The following GAK variants were observed in gnomAD, a reference collection of about 807,000 sequenced individuals.
The protein encoded by GAK is cyclin-G-associated kinase.
Under a neutral mutation model 143.9 loss-of-function variants are expected in GAK, and 79 were observed. That is an observed-to-expected ratio of 0.55 (90% CI 0.46 to 0.66). The LOEUF is 0.66. GAK is among the 30% of genes least tolerant of loss of function. The pLI is 0.00. For missense variants in GAK, 1,693 were observed against 1,779.7 expected, an observed-to-expected ratio of 0.95 and a Z score of 0.88; for synonymous variants, 881 against 765.5, an observed-to-expected ratio of 1.15 and a Z score of -2.49.
intron 1 of GAK, chr4:913,912 CA>C (rs1330995815): frequency 1.4e-4 from 6 of 42,046 alleles, no homozygotes; most frequent in Admixed American, 4.5e-4. Flanking sequence ...TGCACGGCCC[CA>C]CACACACACA....
intron 23 of GAK, among the ~76,000 whole-genome samples, chr4:861,926 G>C (rs1270149927): frequency 6.6e-6 from 1 of 152,258 alleles, no homozygotes; most frequent in African/African-American, 2.4e-5. Context: ...AGACGCTGCA[G>C]AAGAAAAGTG....
At position 884,220 on chromosome 4, in the gene GAK, T is replaced by C. The variant is rs111668780; in HGVS notation, c.1206-134A>G. On this transcript the variant is annotated intron_variant, in intron 11 of 27. Coordinates refer to ENST00000314167, the MANE Select transcript of GAK (RefSeq NM_005255.4). ...TAGAGGCCGCATCCCAGGAGGAACG[T>C]GTGTGTGCACAGGCGTGTGGGCAGC... is the stretch of plus-strand genomic sequence containing the variant. 6.8e-3 allele frequency: 4,900 copies of C among 715,544 alleles called. 140 individuals carry two copies. The African/African-American group carries it at 0.07, about 10-fold the overall frequency. 44.3% of individuals were successfully genotyped at this position (715,544 alleles called of 1,614,324 possible). A position where few individuals can be genotyped will look rare whatever the true frequency, so the allele number is the denominator to read the frequency against.
Position 898,204 on chromosome 4 carries a change from G to A in GAK, c.526-46C>T, listed in dbSNP as rs776592144. ...GCCCCGTGAACTTGGCGTAGACAGA[G>A]ATGGGACTTCAGGGAAAACGAACGG... On this transcript the variant is annotated intron_variant, in intron 5 of 27. Transcript: ENST00000314167. 14 of 1,606,638 alleles carry A rather than the reference G, an allele frequency of 8.7e-6. No homozygotes were observed. The Admixed American group carries it at 1.0e-4, about 12-fold the overall frequency.
intron 16 of GAK, 56 bp from the exon 17 acceptor site, chr4:877,263 A>G: frequency 9.0e-7 from 1 of 1,112,056 alleles, no homozygotes; most frequent in Non-Finnish European, 1.4e-6. Context: ...CAACCAAACA[A>G]AAACAACAAA....
Position 866,414 on chromosome 4 carries a change from G to C in GAK, c.2993C>G (p.Ser998Cys), listed in dbSNP as rs1388307814. The change falls in exon 22 of 28, where the codon TCT becomes TGT. Residue 998 changes from serine to cysteine, a missense_variant. By Grantham distance (112) the Ser-to-Cys change is moderately radical (BLOSUM62 -1). Around this residue, in one of 2 missense-constraint regions of GAK, gnomAD observed 822 missense variants for 788.7 expected, o/e 1.04. Coordinates refer to ENST00000314167, the MANE Select transcript of GAK (RefSeq NM_005255.4). ...DSVTVPPSFP[S>C]AHSAPPPSCS... Reference sequence around the variant, plus strand: ...GGATGGGGGCGGAGCACTGTGGGCAGACGGGAAGGATGGTGGGACGGTCAC... The same window carrying C: ...GGATGGGGGCGGAGCACTGTGGGCACACGGGAAGGATGGTGGGACGGTCAC... 3.7e-6 allele frequency: 6 copies of C among 1,614,126 alleles called. No individual in the cohort carries two copies. The highest frequency in any genetic ancestry group is 5.1e-6 in the Non-Finnish European group (6 of 1,179,982).
chr4:880,955 G>A (rs760809976), intron 15 of GAK, among the ~76,000 whole-genome samples: 4 of 152,198 alleles, frequency 2.6e-5, no homozygotes, highest in Non-Finnish European at 5.9e-5. Context: ...TCAGCTCAAT[G>A]TGTGGAGGGG....
At position 894,388 on chromosome 4, in the gene GAK, C is replaced by T. The variant is rs1718353074; in HGVS notation, c.742-379G>A. 4 of 191,672 alleles carry T rather than the reference C, an allele frequency of 2.1e-5. No individual in the cohort carries two copies. The South Asian group carries it at 3.5e-4, about 17-fold the overall frequency. The allele number at this position is 191,672 out of a possible 1,614,324, so 11.9% of individuals were successfully genotyped here. A position where few individuals can be genotyped will look rare whatever the true frequency, so the allele number is the denominator to read the frequency against. On this transcript the variant is annotated intron_variant, in intron 7 of 27. Coordinates refer to ENST00000314167, the MANE Select transcript of GAK (RefSeq NM_005255.4). ...AGCCGTGGGGAGCGCAGGGGTGACTCCTGGGCCTGCGGGGAGTGCAGGGGT... is the reference window on the plus strand; with the variant it reads ...AGCCGTGGGGAGCGCAGGGGTGACTTCTGGGCCTGCGGGGAGTGCAGGGGT...
Position 851,126 on chromosome 4 carries a change from T to C in GAK, c.3509-42A>G, listed in dbSNP as rs775785393. 7.7e-6 allele frequency: 12 copies of C among 1,560,682 alleles called. 1 individual carries two copies. The Middle Eastern group carries it at 1.5e-3, about 189-fold the overall frequency. On this transcript the variant is annotated intron_variant, in intron 25 of 27. Coordinates refer to ENST00000314167, the MANE Select transcript of GAK (RefSeq NM_005255.4). The stretch of plus-strand genomic sequence containing the variant: ...ACTTTTTTTTGTTTGAGACAGGGTC[T>C]CCACTCTGTCACCCAGGCCAGAGTG...
chr4:888,766 C>T, intron 11 of GAK, 81 bp downstream of exon 11: 1 of 1,515,500 alleles, frequency 6.6e-7, no homozygotes, highest in Non-Finnish European at 8.9e-7. Flanking sequence ...AGCTGTTCCA[C>T]CGCAGCCAGG....
Position 876,604 on chromosome 4 carries a change from T to C in GAK, c.1980A>G (p.Ala660=), listed in dbSNP as rs763648138. The change falls in exon 18 of 28, where the codon GCA becomes GCG. Residue 660 remains alanine (A), a synonymous_variant. Transcript: ENST00000314167. Reference sequence around the variant, plus strand: ...ACTGAATCTGGAACATCTTCATGGATGCCATCTGCAAAGAGAGCAAACACG... The same window carrying C: ...ACTGAATCTGGAACATCTTCATGGACGCCATCTGCAAAGAGAGCAAACACG... ...TLGGRLQAKM[A]SMKMFQIQFH... is the part of the protein sequence containing the mutation. 2 of 1,614,094 alleles carry C rather than the reference T, an allele frequency of 1.2e-6. No individual in the cohort carries two copies. Among genetic ancestry groups the C allele is most frequent in the Non-Finnish European group, 1.7e-6 (2 of 1,179,988 alleles).
At chr4:923,165 C>A (rs551631319) in intron 1 of GAK, among the ~76,000 whole-genome samples, 1 of 152,304 alleles carries the variant, frequency 6.6e-6, no homozygotes, top group African/African-American at 2.4e-5. Flanking sequence ...GGGTTAGCAT[C>A]CCGACCGTCA....
chr4:926,728 CA>C (rs1724808259), intron 1 of GAK, among the ~76,000 whole-genome samples: 1 of 152,150 alleles, frequency 6.6e-6, no homozygotes, highest in Non-Finnish European at 1.5e-5. Flanking sequence ...GGAGAGCCGC[CA>C]GGGGGCAGCT....
intron 9 of GAK, among the ~76,000 whole-genome samples, chr4:891,528 T>C (rs1211749127): frequency 1.3e-5 from 2 of 152,128 alleles, no homozygotes; most frequent in African/African-American, 4.8e-5. Flanking sequence ...GGGGAGTCGG[T>C]TGGCTTAAGC....
intron 4 of GAK, among the ~76,000 whole-genome samples, chr4:906,894 C>T (rs924716904): frequency 1.3e-5 from 2 of 152,198 alleles, no homozygotes; most frequent in East Asian, 1.9e-4. Flanking sequence ...GCTGCTTCTG[C>T]GGCCAGGATG....
chr4:884,470 G>A, intron 11 of GAK: 2 of 233,526 alleles, frequency 8.6e-6, no homozygotes, highest in Non-Finnish European at 1.7e-5. Context: ...TTGGACGATG[G>A]TCACGGGTCA....
At chr4:865,565 G>A (rs948415661) in intron 22 of GAK, among the ~76,000 whole-genome samples, 4 of 152,200 alleles carry the variant, frequency 2.6e-5, no homozygotes, top group East Asian at 1.9e-4. Context: ...CTGCGTTCCC[G>A]CCTCTCCTAA....
rs373515780 is a variant in GAK, at chr4:907,066, C to T, written c.383-2287G>A. ...AGCTGTGTCTGGCGAGTCACTGAGCCCCCGATGCCTGCACACAGCAGAGCG... is the reference window on the plus strand; with the variant it reads ...AGCTGTGTCTGGCGAGTCACTGAGCTCCCGATGCCTGCACACAGCAGAGCG... On this transcript the variant is annotated intron_variant, in intron 4 of 27. Coordinates refer to ENST00000314167, the MANE Select transcript of GAK (RefSeq NM_005255.4). 2.0e-3 allele frequency among the ~76,000 whole-genome samples: 308 copies of T among 152,376 alleles called. 13 individuals are homozygous for T. In the South Asian group the frequency reaches 0.06, roughly 29 times the overall value.
At chr4:879,962 T>G (rs181165461) in intron 15 of GAK, among the ~76,000 whole-genome samples, 10 of 152,196 alleles carry the variant, frequency 6.6e-5, no homozygotes, top group Admixed American at 6.5e-4. Context: ...GCTTATTTCC[T>G]GGCATTTCCA....
intron 5 of GAK, among the ~76,000 whole-genome samples, chr4:899,711 C>T (rs934508521): frequency 4.6e-5 from 7 of 152,214 alleles, no homozygotes; most frequent in South Asian, 2.1e-4. Flanking sequence ...TGCAAGGGGA[C>T]GCCCAGGGTT....
Sources: allele counts gnomAD v4.1 joint callset (sites outside exome capture counted in the v4.1 genomes callset), GRCh38; gene constraint gnomAD v4.1.1; regional missense constraint gnomAD v4.1.1; transcripts MANE v1.5; gene names NCBI Gene and HGNC (gene_info 2026-07-23, HGNC 2026-07-21).